LRP8: variants seen among roughly 807,000 people sequenced by gnomAD.
The protein encoded by LRP8 is LDL receptor related protein 8.
LRP8 carries 46 observed loss-of-function variants against 111.6 expected under a neutral mutation model. The ratio of observed to expected loss-of-function variants is 0.41; its 90% CI spans 0.33 to 0.53. LRP8 has a LOEUF of 0.53. Among genes scored for constraint, LRP8 ranks in the 20% least tolerant of loss-of-function variants. The pLI is 0.20. For missense variants in LRP8, 959 were observed against 1,297.4 expected (o/e 0.74, Z 4.01); for synonymous variants, 464 against 511.2 (o/e 0.91, Z 1.24).
At chr1:53,283,240 G>A (rs1647175049) in intron 3 of LRP8, among the ~76,000 whole-genome samples, 2 of 152,072 alleles carry the variant, frequency 1.3e-5, no homozygotes, top group Admixed American at 1.3e-4. Context: ...AGGAGGTGCA[G>A]TCTATGAGGA....
chr1:53,256,432 G>T (rs982937692), intron 15 of LRP8, among the ~76,000 whole-genome samples: 1 of 152,238 alleles, frequency 6.6e-6, no homozygotes, highest in Non-Finnish European at 1.5e-5. Flanking sequence ...GCCCTCAGAT[G>T]AGAGGAACTG....
intron 2 of LRP8, 87 bp downstream of exon 2, chr1:53,326,786 C>T (rs1467635011): frequency 2.7e-6 from 4 of 1,507,724 alleles, no homozygotes; most frequent in Admixed American, 2.0e-5. Flanking sequence ...GGCAGCGCGG[C>T]GGCTGCAGCC....
rs772711723 is a variant in LRP8 at position 53,262,407 on chromosome 1, AC to A, written c.1774+38del. 1.9e-6 allele frequency: 3 copies of A among 1,588,934 alleles called. No individual in the cohort carries two copies. Among genetic ancestry groups the A allele is most frequent in the Admixed American group, 3.3e-5 (2 of 59,988 alleles). On this transcript the variant is annotated intron_variant, in intron 11 of 18. Transcript: ENST00000306052. The surrounding 1 kb of genome is among the most constrained non-coding windows in gnomAD (Gnocchi z 4.8). ...TTCCAGACAGTGATCAGGACAAGGCACTAGAATAGGCCCCCAACCCAGGAAA... is the reference window on the plus strand; with the variant it reads ...TTCCAGACAGTGATCAGGACAAGGCATAGAATAGGCCCCCAACCCAGGAAA...
chr1:53,275,646 C>T lies in LRP8; in HGVS notation c.991G>A (p.Ala331Thr). The change falls in exon 6 of 19, where the codon GCT becomes ACT. Residue 331 changes from alanine (A) to threonine (T), a missense_variant. Physicochemically the swap from Ala to Thr is moderately conservative, Grantham distance 58. Transcript: ENST00000306052. This position sits in a 1 kb window ranked among gnomAD's most constrained non-coding sequence, Gnocchi z 4.4. ...CCACACGCACCCTGTAGGCAGCCAGCTTCATCACTCCCATCTGGACAGTCC... is the reference window on the plus strand; with the variant it reads ...CCACACGCACCCTGTAGGCAGCCAGTTTCATCACTCCCATCTGGACAGTCC... ...EQDCPDGSDE[A>T]GCLQGLNECL... is the part of the protein sequence containing the mutation. 1 of 1,614,052 alleles carries T rather than the reference C, an allele frequency of 6.2e-7. No homozygotes were observed.
At chr1:53,308,632 A>T (rs1175614480) in intron 2 of LRP8, among the ~76,000 whole-genome samples, 4 of 151,910 alleles carry the variant, frequency 2.6e-5, no homozygotes, top group Non-Finnish European at 5.9e-5. Context: ...CCCCATCCTC[A>T]CCGCCCGGAC....
At chr1:53,254,990 T>C (rs1646028959) in intron 16 of LRP8, 127 bp downstream of exon 16, 2 of 958,454 alleles carry the variant, frequency 2.1e-6, no homozygotes, top group South Asian at 1.4e-5. Context: ...GACTGGGAGG[T>C]GGGCAGGAAG....
intron 2 of LRP8, among the ~76,000 whole-genome samples, chr1:53,312,265 T>C (rs1329605096): frequency 6.6e-6 from 1 of 152,148 alleles, no homozygotes; most frequent in African/African-American, 2.4e-5. Context: ...TCCACACAGC[T>C]CCCTACTCAG....
At chr1:53,273,573 T>C (rs1275110340) in intron 6 of LRP8, among the ~76,000 whole-genome samples, 2 of 152,320 alleles carry the variant, frequency 1.3e-5, no homozygotes, top group East Asian at 1.9e-4. Flanking sequence ...AGTAGGACAG[T>C]AGTCCCTGGC....
chr1:53,247,685 C>A (rs1308327700), intron 18 of LRP8, among the ~76,000 whole-genome samples: 3 of 152,210 alleles, frequency 2.0e-5, no homozygotes, highest in African/African-American at 7.2e-5. Flanking sequence ...CCATTGTGGA[C>A]AACAGATTTA....
In LRP8 at chr1:53,322,727, C is replaced by A. The variant is rs567885946; in HGVS notation, c.244+4146G>T. Among the ~76,000 whole-genome samples, 18 of 152,152 alleles carry A rather than the reference C, an allele frequency of 1.2e-4. No homozygotes were observed. The East Asian group carries it at 3.5e-3, about 29-fold the overall frequency. The stretch of plus-strand genomic sequence containing the variant: ...CACTGTCGTCAGATGGCTCCATCCA[C>A]GAAGGAGATGAGGCTGGGTCCAGTG... On this transcript the variant is annotated intron_variant, in intron 2 of 18. Coordinates refer to ENST00000306052, the MANE Select transcript of LRP8 (RefSeq NM_004631.5).
intron 2 of LRP8, among the ~76,000 whole-genome samples, chr1:53,297,036 C>T (rs948834131): frequency 4.0e-5 from 6 of 151,240 alleles, no homozygotes; most frequent in Non-Finnish European, 5.9e-5. Flanking sequence ...AATCCTCCAT[C>T]GCCAGCAGAT....
intron 3 of LRP8, among the ~76,000 whole-genome samples, chr1:53,285,369 C>T (rs906703420): frequency 1.3e-5 from 2 of 152,116 alleles, no homozygotes; most frequent in African/African-American, 4.8e-5. Flanking sequence ...CATCTGATGT[C>T]CACTCTCAGG....
intron 2 of LRP8, among the ~76,000 whole-genome samples, chr1:53,299,919 C>T (rs1283715047): frequency 6.6e-6 from 1 of 152,226 alleles, no homozygotes; most frequent in Admixed American, 6.5e-5. Flanking sequence ...TTACCCACCA[C>T]CAGGCCCAGA....
Position 53,266,127 on chromosome 1 carries a change from C to T in LRP8, c.1427+346G>A, listed in dbSNP as rs1218503393. Among the ~76,000 whole-genome samples the T allele has an allele frequency of 1.3e-5, 2 of 152,158 alleles. No individual in the cohort carries two copies. The highest frequency in any genetic ancestry group is 4.8e-5 in the African/African-American group (2 of 41,438). ...AGGTCTAAGTCCCCAGGTTCCAACA[C>T]ACAGGGATGTGAGCTGCTTGGAAAG... On this transcript the variant is annotated intron_variant, in intron 9 of 18. Transcript: ENST00000306052. The surrounding 1 kb of genome is among the most constrained non-coding windows in gnomAD (Gnocchi z 5.0).
chr1:53,320,474 G>A (rs1019626041), intron 2 of LRP8, among the ~76,000 whole-genome samples: 7 of 152,164 alleles, frequency 4.6e-5, no homozygotes, highest in Non-Finnish European at 7.4e-5. Context: ...ACCTTTCTAA[G>A]CCTGGGTGCG....
intron 16 of LRP8, among the ~76,000 whole-genome samples, chr1:53,254,171 T>G (rs2100350000): frequency 6.6e-6 from 1 of 152,120 alleles, no homozygotes; most frequent in African/African-American, 2.4e-5. Flanking sequence ...GAGATGAGAC[T>G]GCTAAGAGAG....
chr1:53,305,460 A>G (rs1651762344), intron 2 of LRP8: 1 of 152,222 alleles, frequency 6.6e-6, no homozygotes, highest in Non-Finnish European at 1.5e-5. Context: ...CAATTTTTAA[A>G]GGGCATCTGG....
intron 6 of LRP8, among the ~76,000 whole-genome samples, chr1:53,274,046 C>T (rs1430156388): frequency 6.6e-6 from 1 of 152,190 alleles, no homozygotes; most frequent in Non-Finnish European, 1.5e-5. Context: ...GATGCCCACC[C>T]TACCTACAGC....
At chr1:53,252,848 A>G (rs1645941117) in intron 16 of LRP8, among the ~76,000 whole-genome samples, 1 of 152,242 alleles carries the variant, frequency 6.6e-6, no homozygotes, top group South Asian at 2.1e-4. Flanking sequence ...TAGAAGAGAA[A>G]CTGAATAAAA....
Sources: allele counts gnomAD v4.1 joint callset (sites outside exome capture counted in the v4.1 genomes callset), GRCh38; gene constraint gnomAD v4.1.1; non-coding constraint Gnocchi (gnomAD v3.1); transcripts MANE v1.5; gene names NCBI Gene and HGNC (gene_info 2026-07-23, HGNC 2026-07-21).